Variants in TMEM91 observed in about 807,000 individuals in gnomAD.
The protein encoded by TMEM91 is transmembrane protein 91.
Under a neutral mutation model 13.3 loss-of-function variants are expected in TMEM91, and 6 were observed. That is an observed-to-expected ratio of 0.45 (90% CI 0.25 to 0.89). The LOEUF (loss-of-function observed/expected upper bound fraction) is 0.89. Ranked by LOEUF, TMEM91 falls within the 40% of genes least tolerant of loss-of-function variation. The probability of loss-of-function intolerance (pLI) is 0.19; values close to 1 mark genes in which losing one functional copy is unlikely to be tolerated. For missense variants in TMEM91, 193 were observed against 228.7 expected (o/e 0.84, Z 1.01); for synonymous variants, 87 against 101.7 (o/e 0.86, Z 0.87).
chr19:41,376,619 C>T lies in TMEM91; in HGVS notation c.-265C>T, dbSNP rs1383487013. ...CCAGACCCCCGGGAGTCGTAGGAAC[C>T]CGTTCCTGGACGCTGACGTCGGCTT... On this transcript the variant is annotated 5_prime_UTR_variant, in exon 1 of 4. Transcript: ENST00000392002. 1 of 152,354 alleles carries T rather than the reference C, an allele frequency of 6.6e-6. No homozygotes were observed. Among genetic ancestry groups the T allele is most frequent in the East Asian group, 1.9e-4 (1 of 5,166 alleles). The allele number at this position is 152,354 out of a possible 1,614,324, so 9.4% of individuals were successfully genotyped here.
At chr19:41,370,679 A>G (rs912468862) in intron 1 of TMEM91, among the ~76,000 whole-genome samples, 1 of 151,842 alleles carries the variant, frequency 6.6e-6, no homozygotes, top group African/African-American at 2.4e-5. Flanking sequence ...TGCTGGGATT[A>G]CAAGCGTGAG....
intron 1 of TMEM91, among the ~76,000 whole-genome samples, chr19:41,367,159 A>AAAAAAAAG (rs2038541077): frequency 6.6e-6 from 1 of 152,172 alleles, no homozygotes; most frequent in Non-Finnish European, 1.5e-5. Flanking sequence ...GAAAAAAAAG[A>AAAAAAAAG]AAAGAAAGGA....
chr19:41,375,424 G>A (rs1390938160), upstream of TMEM91, among the ~76,000 whole-genome samples: 1 of 150,658 alleles, frequency 6.6e-6, no homozygotes, highest in Admixed American at 6.6e-5. Context: ...GACTACAAGC[G>A]CCCGCCACCA....
At chr19:41,370,889 G>C (rs2038605291) in intron 1 of TMEM91, among the ~76,000 whole-genome samples, 1 of 151,028 alleles carries the variant, frequency 6.6e-6, no homozygotes, top group Non-Finnish European at 1.5e-5. Context: ...TTTTAGTAGA[G>C]ACAGGGTTTC....
chr19:41,371,137 G>A (rs965056530), intron 1 of TMEM91, among the ~76,000 whole-genome samples: 2 of 151,822 alleles, frequency 1.3e-5, no homozygotes, highest in African/African-American at 4.8e-5. Context: ...GAGTAGCTGG[G>A]ATTACAGGCA....
intron 1 of TMEM91, among the ~76,000 whole-genome samples, chr19:41,369,592 G>T (rs2038582133): frequency 6.6e-6 from 1 of 151,504 alleles, no homozygotes; most frequent in East Asian, 1.9e-4. Flanking sequence ...ATCACTTGAG[G>T]TCAGGAGTTC....
chr19:41,368,316 C>A lies in TMEM91; in HGVS notation c.-30+4221C>A, dbSNP rs1056401315. 1.3e-3 allele frequency among the ~76,000 whole-genome samples: 194 copies of A among 151,910 alleles called. 1 individual carries two copies. The highest frequency in any genetic ancestry group is 1.3e-3 in the Non-Finnish European group (85 of 67,966). ...TCTGCAGTCCCATCTACTTAGGAGG[C>A]TGAGGCAGGAGGATCCCTTGAGCCC... On this transcript the variant is annotated intron_variant, in intron 1 of 3. Transcript: ENST00000413014.
chr19:41,378,554 AG>A (rs1599929392), intron 2 of TMEM91, 35 bp downstream of exon 2: 1 of 1,610,828 alleles, frequency 6.2e-7, no homozygotes, highest in Non-Finnish European at 8.5e-7. Context: ...AAGGCACGGG[AG>A]GGGGCTGGGG....
chr19:41,380,452 T>C (rs2038852471), intron 2 of TMEM91, among the ~76,000 whole-genome samples: 1 of 151,972 alleles, frequency 6.6e-6, no homozygotes, highest in Admixed American at 6.6e-5. Context: ...CATCCCTTGA[T>C]GGGAAGGATA....
At chr19:41,365,752 C>T (rs894503921) in intron 1 of TMEM91, among the ~76,000 whole-genome samples, 5 of 145,250 alleles carry the variant, frequency 3.4e-5, no homozygotes, top group African/African-American at 1.3e-4. Context: ...CCTCTGTCGC[C>T]CAGGCTGGAG....
chr19:41,369,901 G>A (rs558557726), intron 1 of TMEM91, among the ~76,000 whole-genome samples: 4 of 152,206 alleles, frequency 2.6e-5, no homozygotes, highest in Non-Finnish European at 5.9e-5. Flanking sequence ...TTGTTCAATA[G>A]TGTTAAGTAC....
At chr19:41,375,302 A>T (rs2038695060), upstream of TMEM91, among the ~76,000 whole-genome samples, 1 of 52,838 alleles carries the variant, frequency 1.9e-5, no homozygotes, top group Non-Finnish European at 3.4e-5. Context: ...TTTTTTTGAG[A>T]CGGAGTCTTG....
chr19:41,380,901 G>A (rs1329583405), intron 2 of TMEM91, among the ~76,000 whole-genome samples: 2 of 119,246 alleles, frequency 1.7e-5, no homozygotes, highest in East Asian at 2.4e-4. Flanking sequence ...GCAACAGAGT[G>A]AAACTCTGTC....
Position 41,384,080 on chromosome 19 carries a change from CA to C in TMEM91, c.*210del. On this transcript the variant is annotated 3_prime_UTR_variant, in exon 4 of 4. Coordinates refer to ENST00000392002, the MANE Select transcript of TMEM91 (RefSeq NM_001098821.2). ...ATTAAACACCAGACACCCTTGCAGCCAAACCAGAGTCTGTTCGCGTGTGTGG... is the reference window on the plus strand; with the variant it reads ...ATTAAACACCAGACACCCTTGCAGCCAACCAGAGTCTGTTCGCGTGTGTGG... 2 of 925,288 alleles carry C rather than the reference CA, an allele frequency of 2.2e-6. No individual in the cohort carries two copies. Among genetic ancestry groups the C allele is most frequent in the Non-Finnish European group, 3.0e-6 (2 of 655,924 alleles). 57.3% of individuals were successfully genotyped at this position (925,288 alleles called of 1,614,324 possible). A position where few individuals can be genotyped will look rare whatever the true frequency, so the allele number is the denominator to read the frequency against.
At position 41,382,774 on chromosome 19, in the gene TMEM91, C is replaced by T. The variant is rs1182706468; in HGVS notation, c.213C>T (p.Asp71=). The T allele has an allele frequency of 1.9e-6, 3 of 1,613,592 alleles. No individual in the cohort carries two copies. Among genetic ancestry groups the T allele is most frequent in the African/African-American group, 1.3e-5 (1 of 75,060 alleles). The change falls in exon 3 of 4, where the codon GAC becomes GAT. Residue 71 remains aspartate (D), a splice_region_variant and synonymous_variant. Transcript: ENST00000392002. ...LGEPRPPDVE[D]MSSSDSDSDW... is the part of the protein sequence containing the mutation. The stretch of plus-strand genomic sequence containing the variant: ...CCTGGGCACTTTCCTGTCCGTAGGA[C>T]ATGTCATCCAGTGACAGTGACTCGG...
intron 1 of TMEM91, among the ~76,000 whole-genome samples, chr19:41,365,114 G>A (rs1254179208): frequency 6.6e-6 from 1 of 151,330 alleles, no homozygotes; most frequent in Admixed American, 6.6e-5. Context: ...TTGACCTCCT[G>A]GGCTCTAGCT....
chr19:41,367,378 A>G (rs917479344), intron 1 of TMEM91, among the ~76,000 whole-genome samples: 1 of 151,966 alleles, frequency 6.6e-6, no homozygotes, highest in South Asian at 2.1e-4. Context: ...CACGCCTGTA[A>G]TCCCAGCACT....
intron 1 of TMEM91, among the ~76,000 whole-genome samples, chr19:41,377,876 G>C (rs548700255): frequency 2.0e-5 from 3 of 151,720 alleles, no homozygotes; most frequent in Non-Finnish European, 4.4e-5. Context: ...AATTAGCCGG[G>C]CATGGTGGTG....
chr19:41,371,974 T>C (rs932407995), upstream of TMEM91, among the ~76,000 whole-genome samples: 18 of 151,958 alleles, frequency 1.2e-4, no homozygotes, highest in African/African-American at 4.1e-4. Flanking sequence ...TCCTCCCACC[T>C]CAGCCTCCCA....
Sources: allele counts gnomAD v4.1 joint callset (sites outside exome capture counted in the v4.1 genomes callset), GRCh38; gene constraint gnomAD v4.1.1; transcripts MANE v1.5; gene names NCBI Gene and HGNC (gene_info 2026-07-23, HGNC 2026-07-21).